Variants in CACNA2D4 observed in about 807,000 individuals in gnomAD.
CACNA2D4 encodes the protein voltage-dependent calcium channel subunit alpha-2/delta-4.
CACNA2D4 carries 157 observed loss-of-function variants against 163.8 expected under a neutral mutation model. The ratio of observed to expected loss-of-function variants is 0.96; its 90% CI spans 0.84 to 1.09. CACNA2D4 has a LOEUF of 1.09. Ranked by LOEUF, CACNA2D4 falls within the 50% of genes least tolerant of loss-of-function variation. The pLI is 0.00. For synonymous variants in CACNA2D4, 598 were observed against 586.9 expected, an observed-to-expected ratio of 1.02 and a Z score of -0.27; for missense variants, 1,410 against 1,479.9, an observed-to-expected ratio of 0.95 and a Z score of 0.78.
chr12:1,831,058 C>T (rs201340302), intron 26 of CACNA2D4: 58 of 1,613,980 alleles, frequency 3.6e-5, no homozygotes, highest in Non-Finnish European at 4.7e-5. Context: ...ACGGTGCCCC[C>T]AGACGTGCCC....
rs982528000 is a variant in CACNA2D4 at position 1,858,755 on chromosome 12, C to T, written c.1941-111G>A. 43 of 721,054 alleles carry T rather than the reference C, an allele frequency of 6.0e-5. No individual in the cohort carries two copies. In the East Asian group the frequency reaches 1.0e-3, roughly 17 times the overall value. 44.7% of individuals were successfully genotyped at this position (721,054 alleles called of 1,614,324 possible). A position where few individuals can be genotyped will look rare whatever the true frequency, so the allele number is the denominator to read the frequency against. ...TAGGTGTATGGGCTTTTTGTACCCA[C>T]GACGAGTGGTGTGCTCCTCATGCCC... On this transcript the variant is annotated intron_variant, in intron 19 of 37. Coordinates refer to ENST00000382722, the MANE Select transcript of CACNA2D4 (RefSeq NM_172364.5).
intron 6 of CACNA2D4, among the ~76,000 whole-genome samples, chr12:1,889,828 T>G (rs766632962): frequency 1.2e-4 from 18 of 151,538 alleles, no homozygotes; most frequent in Non-Finnish European, 2.1e-4. Context: ...AAGTAAAAAT[T>G]TAAAAAATAA....
intron 26 of CACNA2D4, chr12:1,827,922 T>C (rs1209718597): frequency 2.4e-6 from 1 of 411,782 alleles, no homozygotes; most frequent in East Asian, 3.6e-5. Context: ...GAAGGCTTCC[T>C]GGCTCCTCTT....
chr12:1,800,476 C>T, intron 31 of CACNA2D4, 38 bp from the exon 32 acceptor site: 2 of 1,610,142 alleles, frequency 1.2e-6, no homozygotes, highest in Non-Finnish European at 8.5e-7. Flanking sequence ...GCACCTAGGT[C>T]CAAGGGTGAG....
Position 1,917,524 on chromosome 12 carries a change from A to C in CACNA2D4, c.227+723T>G, listed in dbSNP as rs886939. Among the ~76,000 whole-genome samples, 141,851 of 152,132 alleles carry C rather than the reference A, an allele frequency of 0.93. 66,252 individuals are homozygous for C. Among genetic ancestry groups the C allele is most frequent in the East Asian group, 1 (5,154 of 5,158 alleles). On this transcript the variant is annotated intron_variant, in intron 1 of 37. Coordinates refer to ENST00000382722, the MANE Select transcript of CACNA2D4 (RefSeq NM_172364.5). The surrounding 1 kb of genome is among the most constrained non-coding windows in gnomAD (Gnocchi z 4.3). ...CACCTACAGTCTAGAAGGCTCTGCT[A>C]CCCACATGTATTGGAAATTTCCTTC...
rs1309209649 is a variant in CACNA2D4 at position 1,801,122 on chromosome 12, A to G, written c.2793-4T>C. On this transcript the variant is annotated splice_region_variant and splice_polypyrimidine_tract_variant and intron_variant, in intron 30 of 37. Coordinates refer to ENST00000382722, the MANE Select transcript of CACNA2D4 (RefSeq NM_172364.5). Reference sequence around the variant, plus strand: ...CTGATAGTCATACATAGTCACTCTGAAAATCAGAAGCGGGCTGTGATGAGT... The same window carrying G: ...CTGATAGTCATACATAGTCACTCTGGAAATCAGAAGCGGGCTGTGATGAGT... 1 of 1,613,790 alleles carries G rather than the reference A, an allele frequency of 6.2e-7. No individual in the cohort carries two copies.
intron 26 of CACNA2D4, among the ~76,000 whole-genome samples, chr12:1,823,551 C>T (rs1864196683): frequency 6.6e-6 from 1 of 152,188 alleles, no homozygotes; most frequent in African/African-American, 2.4e-5. Context: ...GGGCCTCCTG[C>T]TCCCCCATGG....
intron 18 of CACNA2D4, among the ~76,000 whole-genome samples, chr12:1,872,250 C>G (rs1041242780): frequency 1.3e-5 from 2 of 152,174 alleles, no homozygotes; most frequent in East Asian, 3.8e-4. Flanking sequence ...CCCAGAGCCC[C>G]CTGCACGGAG....
chr12:1,883,141 C>T lies in CACNA2D4; in HGVS notation c.1352-141G>A. On this transcript the variant is annotated intron_variant, in intron 12 of 37. Transcript: ENST00000382722. The surrounding 1 kb of genome is among the most constrained non-coding windows in gnomAD (Gnocchi z 4.5). Reference sequence around the variant, plus strand: ...TGGACCGGGGCACAGGGAGCTGCTTCCCCACAGTTGTGTCCTTTACCCAGG... The same window carrying T: ...TGGACCGGGGCACAGGGAGCTGCTTTCCCACAGTTGTGTCCTTTACCCAGG... The T allele has an allele frequency of 1.0e-6, 1 of 993,474 alleles. No individual in the cohort carries two copies. The highest frequency in any genetic ancestry group is 1.5e-6 in the Non-Finnish European group (1 of 683,306). 61.5% of individuals were successfully genotyped at this position (993,474 alleles called of 1,614,324 possible). A position where few individuals can be genotyped will look rare whatever the true frequency, so the allele number is the denominator to read the frequency against.
At position 1,800,541 on chromosome 12, in the gene CACNA2D4, C is replaced by A; in HGVS notation, c.2869-103G>T. The A allele has an allele frequency of 3.4e-6, 4 of 1,184,854 alleles. No individual in the cohort carries two copies. In the South Asian group the frequency reaches 3.9e-5, roughly 11 times the overall value. The allele number at this position is 1,184,854 out of a possible 1,614,324, so 73.4% of individuals were successfully genotyped here. On this transcript the variant is annotated intron_variant, in intron 31 of 37. Coordinates refer to ENST00000382722, the MANE Select transcript of CACNA2D4 (RefSeq NM_172364.5). Reference sequence around the variant, plus strand: ...CTCAGAGAGACCAGAGAGTGGGCTGCCCTGCCACTGGGAGCAGGGGCAGCA... The same window carrying A: ...CTCAGAGAGACCAGAGAGTGGGCTGACCTGCCACTGGGAGCAGGGGCAGCA...
intron 4 of CACNA2D4, 43 bp from the exon 5 acceptor site, chr12:1,908,080 G>A (rs374598229): frequency 2.5e-6 from 4 of 1,573,058 alleles, no homozygotes; most frequent in Admixed American, 1.7e-5. Context: ...CCCGAGCACC[G>A]GGACAGGCGG....
intron 26 of CACNA2D4, among the ~76,000 whole-genome samples, chr12:1,821,061 A>G (rs925186827): frequency 6.6e-5 from 10 of 152,126 alleles, no homozygotes. Flanking sequence ...TCTGCTGGGA[A>G]GTGGGGAGGA....
chr12:1,822,536 C>A (rs1310812862), intron 26 of CACNA2D4, among the ~76,000 whole-genome samples: 1 of 152,170 alleles, frequency 6.6e-6, no homozygotes, highest in South Asian at 2.1e-4. Context: ...TGTCAGGGAC[C>A]AGCTCCCATG....
intron 6 of CACNA2D4, among the ~76,000 whole-genome samples, chr12:1,903,999 A>G (rs1267128428): frequency 1.3e-5 from 2 of 152,126 alleles, no homozygotes; most frequent in African/African-American, 4.8e-5. Context: ...AAGAATGGAT[A>G]AAGAAAATGT....
At chr12:1,895,424 T>C (rs1483234347) in intron 6 of CACNA2D4, among the ~76,000 whole-genome samples, 1 of 152,016 alleles carries the variant, frequency 6.6e-6, no homozygotes, top group Non-Finnish European at 1.5e-5. Flanking sequence ...AAAGCAATCC[T>C]GAGTAAAAAC....
chr12:1,822,875 C>T (rs763992542), intron 26 of CACNA2D4, among the ~76,000 whole-genome samples: 7 of 152,168 alleles, frequency 4.6e-5, no homozygotes, highest in East Asian at 1.9e-4. Context: ...AATCTCGGGC[C>T]GTCTTTGGCC....
Position 1,797,429 on chromosome 12 carries a change from C to T in CACNA2D4, c.3102G>A (p.Gly1034=), listed in dbSNP as rs1054568189. 1.3e-6 allele frequency: 2 copies of T among 1,547,840 alleles called. No individual in the cohort carries two copies. The highest frequency in any genetic ancestry group is 1.7e-6 in the Non-Finnish European group (2 of 1,151,316). The change falls in exon 35 of 38, where the codon GGG becomes GGA. Residue 1034 remains glycine (G), a synonymous_variant. Transcript: ENST00000382722. ...IREANGIVEC[G]PCQKVFVVQQ... ...CCCTGCGGTCTTACTTCTGGCAGGG[C>T]CCGCACTCCACGATCCCGTTGGCCT... is the stretch of plus-strand genomic sequence containing the variant.
rs374103364 is a variant in CACNA2D4 at position 1,799,989 on chromosome 12, C to T, written c.2974+11G>A. 39 of 1,600,576 alleles carry T rather than the reference C, an allele frequency of 2.4e-5. No individual in the cohort carries two copies. Among genetic ancestry groups the T allele is most frequent in the African/African-American group, 9.4e-5 (7 of 74,520 alleles). ...TCTTCAGCACATGGCCCTGCAGCTC[C>T]GTGCACTCACCCTCGGCCCCTCTGT... On this transcript the variant is annotated intron_variant, in intron 33 of 37. Coordinates refer to ENST00000382722, the MANE Select transcript of CACNA2D4 (RefSeq NM_172364.5). This position sits in a 1 kb window ranked among gnomAD's most constrained non-coding sequence, Gnocchi z 4.7.
chr12:1,873,523 T>C (rs1203338830), intron 18 of CACNA2D4, among the ~76,000 whole-genome samples: 1 of 152,218 alleles, frequency 6.6e-6, no homozygotes, highest in African/African-American at 2.4e-5. Flanking sequence ...AGATACAGTA[T>C]AGCCACATTC....
Sources: allele counts gnomAD v4.1 joint callset (sites outside exome capture counted in the v4.1 genomes callset), GRCh38; gene constraint gnomAD v4.1.1; non-coding constraint Gnocchi (gnomAD v3.1); transcripts MANE v1.5; gene names NCBI Gene and HGNC (gene_info 2026-07-23, HGNC 2026-07-21).